ANKRD36C: variants seen among roughly 807,000 people sequenced by gnomAD.
ANKRD36C encodes ankyrin repeat domain 36C.
ANKRD36C carries 61 observed loss-of-function variants against 276.4 expected under a neutral mutation model. The observed-to-expected ratio is 0.22, with a 90% CI of 0.18 to 0.27. ANKRD36C has a LOEUF of 0.27. Among genes scored for constraint, ANKRD36C ranks in the 10% least tolerant of loss-of-function variants. The probability of loss-of-function intolerance (pLI) is 1.00; values close to 1 mark genes in which losing one functional copy is unlikely to be tolerated. For missense variants in ANKRD36C, 1,447 were observed against 2,032.3 expected (o/e 0.71, Z 5.54); for synonymous variants, 483 against 680.1 (o/e 0.71, Z 4.51).
In ANKRD36C at chr2:95,902,741, C is replaced by T. The variant is rs1392253390; in HGVS notation, c.2654-3405G>A. The stretch of plus-strand genomic sequence containing the variant: ...TTCCAGACCAGCATCATCATCATCA[C>T]CCACAAACTTATTTGAAATGAAGAA... On this transcript the variant is annotated intron_variant, in intron 42 of 66. Transcript: ENST00000456556. 3.9e-6 allele frequency: 4 copies of T among 1,019,194 alleles called. No homozygotes were observed. In the African/African-American group the frequency reaches 4.9e-5, roughly 12 times the overall value. 63.1% of individuals were successfully genotyped at this position (1,019,194 alleles called of 1,614,324 possible).
In ANKRD36C at chr2:95,858,248, A is replaced by T. The variant is rs147467748; in HGVS notation, c.3897-756T>A. 6.9e-3 allele frequency among the ~76,000 whole-genome samples: 1,057 copies of T among 152,264 alleles called. 9 individuals are homozygous for T. The highest frequency in any genetic ancestry group is 0.025 in the African/African-American group (1,022 of 41,542). On this transcript the variant is annotated intron_variant, in intron 61 of 66. Transcript: ENST00000456556. ...GTTTGGCTCAGAATAAATCTCTTCA[A>T]ATATCTTACAGAGTTTGACTCTCTT...
At chr2:95,977,829 TA>T (rs1441870671) in intron 6 of ANKRD36C, among the ~76,000 whole-genome samples, 3 of 152,086 alleles carry the variant, frequency 2.0e-5, no homozygotes, top group Middle Eastern at 3.4e-3. Flanking sequence ...CATGTGACTA[TA>T]AAAAAATACA....
chr2:95,910,613 C>G, intron 42 of ANKRD36C, 45 bp from the exon 45 acceptor site: 1 of 1,601,456 alleles, frequency 6.2e-7, no homozygotes. Context: ...GTAAATATGA[C>G]AAAGATATCC....
chr2:95,926,798 G>A (rs1261364618), intron 28 of ANKRD36C, among the ~76,000 whole-genome samples: 1 of 151,458 alleles, frequency 6.6e-6, no homozygotes, highest in Non-Finnish European at 1.5e-5. Flanking sequence ...CTACATCAGT[G>A]GTCTCCTTAG....
At chr2:95,917,139 TAAGTA>T (rs917277403) in intron 36 of ANKRD36C, among the ~76,000 whole-genome samples, 1 of 151,628 alleles carries the variant, frequency 6.6e-6, no homozygotes, top group Non-Finnish European at 1.5e-5. Flanking sequence ...CTCATTTTTA[TAAGTA>T]AAGTCAACAA....
At position 95,955,386 on chromosome 2, in the gene ANKRD36C, T is replaced by G. The variant is rs59456547; in HGVS notation, c.1137-1381A>C. 3.3e-3 allele frequency among the ~76,000 whole-genome samples: 507 copies of G among 152,280 alleles called. 1 individual carries two copies. The highest frequency in any genetic ancestry group is 0.011 in the African/African-American group (476 of 41,566). ...AGGCAGCAAACTCTTCAGAACTCCT[T>G]GAATGCCATATTCTAATATGCCTTT... On this transcript the variant is annotated intron_variant, in intron 13 of 66. Coordinates refer to ENST00000456556, the Ensembl canonical transcript of ANKRD36C.
chr2:95,855,603 T>G, exon 63 of ANKRD36C: 1 of 1,610,694 alleles, frequency 6.2e-7, no homozygotes, highest in South Asian at 1.1e-5. Flanking sequence ...CTGTTTTTGC[T>G]TTAGCTCACT....
chr2:95,936,568 C>T (rs1288066617), intron 22 of ANKRD36C, among the ~76,000 whole-genome samples: 2 of 152,078 alleles, frequency 1.3e-5, no homozygotes, highest in Admixed American at 6.6e-5. Context: ...CAACAATAAT[C>T]CAATATTCTG....
intron 46 of ANKRD36C, 119 bp downstream of exon 66, chr2:95,891,546 T>C: frequency 1.5e-6 from 2 of 1,309,050 alleles, no homozygotes; most frequent in South Asian, 1.4e-5. Flanking sequence ...AAATGAAGAA[T>C]CTCAGGACTG....
At chr2:95,943,033 T>C (rs1266647736) in intron 19 of ANKRD36C, among the ~76,000 whole-genome samples, 1 of 152,306 alleles carries the variant, frequency 6.6e-6, no homozygotes, top group African/African-American at 2.4e-5. Flanking sequence ...GTTGACTGCA[T>C]TCATCACATG....
At chr2:95,972,054 T>G (rs940969215) in intron 6 of ANKRD36C, among the ~76,000 whole-genome samples, 20 of 152,138 alleles carry the variant, frequency 1.3e-4, no homozygotes, top group African/African-American at 4.8e-4. Flanking sequence ...CACCTAAAAT[T>G]AAGTTGGGGC....
At chr2:95,849,184 C>T (rs1360685613), downstream of ANKRD36C, among the ~76,000 whole-genome samples, 1 of 152,160 alleles carries the variant, frequency 6.6e-6, no homozygotes, top group Non-Finnish European at 1.5e-5. Flanking sequence ...CTCAGCTTCC[C>T]GAGTAGCTGA....
intron 44 of ANKRD36C, among the ~76,000 whole-genome samples, chr2:95,893,992 G>A (rs1676456982): frequency 6.6e-6 from 1 of 151,430 alleles, no homozygotes; most frequent in African/African-American, 2.4e-5. Context: ...CAATCTCAAT[G>A]TGCATAGGCC....
At chr2:95,912,912 C>CA (rs1476106403) in intron 40 of ANKRD36C, among the ~76,000 whole-genome samples, 9 of 151,496 alleles carry the variant, frequency 5.9e-5, no homozygotes, top group Admixed American at 2.6e-4. Flanking sequence ...GATGACACTT[C>CA]AGTTGAATGT....
intron 17 of ANKRD36C, among the ~76,000 whole-genome samples, chr2:95,946,639 C>T (rs1276078149): frequency 8.4e-4 from 123 of 145,628 alleles, no homozygotes; most frequent in African/African-American, 1.2e-3. Context: ...TTCACAATAG[C>T]AAAGACTTGG....
At chr2:95,850,859 C>T (rs1414061217), downstream of ANKRD36C, among the ~76,000 whole-genome samples, 4 of 152,130 alleles carry the variant, frequency 2.6e-5, no homozygotes, top group Non-Finnish European at 5.9e-5. Context: ...TTTGTGAGAA[C>T]AGTTTCAGTT....
At chr2:95,988,534 G>C (rs529423951) in intron 1 of ANKRD36C, among the ~76,000 whole-genome samples, 68 of 152,150 alleles carry the variant, frequency 4.5e-4, no homozygotes, top group African/African-American at 9.9e-4. Flanking sequence ...ATGGTGGAAT[G>C]TGTCTGCTAC....
chr2:95,910,233 C>T (rs370291695), intron 42 of ANKRD36C, 140 bp downstream of exon 46: 2 of 1,043,796 alleles, frequency 1.9e-6, no homozygotes, highest in African/African-American at 1.6e-5. Flanking sequence ...CATCACCCAA[C>T]AACTTACTAC....
chr2:95,955,816 A>G (rs1466423426), intron 13 of ANKRD36C, among the ~76,000 whole-genome samples: 1 of 152,190 alleles, frequency 6.6e-6, no homozygotes, highest in Non-Finnish European at 1.5e-5. Context: ...TTAAGCAAGG[A>G]TTCAAGCACT....
Sources: gnomAD v4.1 joint callset for allele counts (sites outside exome capture counted in the v4.1 genomes callset) on GRCh38, gnomAD v4.1.1 for gene constraint, MANE v1.5 for transcripts, NCBI Gene and HGNC (gene_info 2026-07-23, HGNC 2026-07-21) for gene names.